The following MTSS1 variants were observed in gnomAD, a reference collection of about 807,000 sequenced individuals.
MTSS1 encodes protein MTSS 1.
In MTSS1, 18 loss-of-function variants were observed where a neutral mutation model predicts 79.0. That is an observed-to-expected ratio of 0.23 (90% CI 0.16 to 0.34). The LOEUF is 0.34. Among genes scored for constraint, MTSS1 ranks in the 10% least tolerant of loss-of-function variants. MTSS1 has a pLI of 1.00. For synonymous variants in MTSS1, 341 were observed against 368.6 expected, an observed-to-expected ratio of 0.93 and a Z score of 0.86; for missense variants, 815 against 986.2, an observed-to-expected ratio of 0.83 and a Z score of 2.33.
chr8:124,606,172 T>G (rs4871514), intron 3 of MTSS1, among the ~76,000 whole-genome samples: 8 of 24,490 alleles, frequency 3.3e-4, no homozygotes, highest in Non-Finnish European at 1.8e-4. Flanking sequence ...TGGTTTTTTG[T>G]TTTTTTTTTT....
rs1377228837 is a variant in MTSS1 at position 124,727,049 on chromosome 8, T to C, written c.72+835A>G. On this transcript the variant is annotated intron_variant, in intron 1 of 13. Coordinates refer to ENST00000518547, the MANE Select transcript of MTSS1 (RefSeq NM_014751.6). The surrounding 1 kb of genome is among the most constrained non-coding windows in gnomAD (Gnocchi z 4.7). ...TCAGGTTATCCCCAGTCCCACCCTTTGCAGGAAAAAACCAGGGTGTTGTTC... is the reference window on the plus strand; with the variant it reads ...TCAGGTTATCCCCAGTCCCACCCTTCGCAGGAAAAAACCAGGGTGTTGTTC... Among the ~76,000 whole-genome samples, 1 of 152,110 alleles carries C rather than the reference T, an allele frequency of 6.6e-6. No individual in the cohort carries two copies. The highest frequency in any genetic ancestry group is 2.4e-5 in the African/African-American group (1 of 41,432).
rs752480171 is a variant in MTSS1 at position 124,556,153 on chromosome 8, C to T, written c.1404+79G>A. On this transcript the variant is annotated intron_variant, in intron 12 of 13. Coordinates refer to ENST00000518547, the MANE Select transcript of MTSS1 (RefSeq NM_014751.6). Reference sequence around the variant, plus strand: ...CCCTCCAGCTGCAAGGCTGCCTTGGCCCCCCAGTTGCTGGCCAGAATGTGA... The same window carrying T: ...CCCTCCAGCTGCAAGGCTGCCTTGGTCCCCCAGTTGCTGGCCAGAATGTGA... The T allele has an allele frequency of 8.1e-6, 13 of 1,599,570 alleles. 1 individual carries two copies. The African/African-American group carries it at 1.2e-4, about 15-fold the overall frequency.
At chr8:124,610,779 C>T (rs942817646) in intron 3 of MTSS1, among the ~76,000 whole-genome samples, 1 of 152,114 alleles carries the variant, frequency 6.6e-6, no homozygotes, top group Non-Finnish European at 1.5e-5. Flanking sequence ...CCTGAAGAAC[C>T]TTCCCCTTTC....
intron 3 of MTSS1, among the ~76,000 whole-genome samples, chr8:124,678,865 C>T (rs866948451): frequency 2.6e-5 from 4 of 152,190 alleles, no homozygotes; most frequent in African/African-American, 4.8e-5. Context: ...CAGACCAATT[C>T]GTTAGCTATT....
At chr8:124,595,058 TA>T (rs1207352360) in intron 3 of MTSS1, among the ~76,000 whole-genome samples, 3 of 152,122 alleles carry the variant, frequency 2.0e-5, no homozygotes, top group Non-Finnish European at 4.4e-5. Flanking sequence ...TGGTGTTGAA[TA>T]AAGGAACGGA....
At chr8:124,659,855 A>G (rs952129025) in intron 3 of MTSS1, among the ~76,000 whole-genome samples, 1 of 152,226 alleles carries the variant, frequency 6.6e-6, no homozygotes, top group Non-Finnish European at 1.5e-5. Context: ...GGCTATCCCA[A>G]CCCAGAATTA....
At chr8:124,627,830 A>C (rs1423021782) in intron 3 of MTSS1, among the ~76,000 whole-genome samples, 3 of 152,198 alleles carry the variant, frequency 2.0e-5, no homozygotes, top group Non-Finnish European at 4.4e-5. Context: ...TTTAGAAAGA[A>C]AACTGTGGCA....
At chr8:124,695,784 T>A (rs1828707237) in intron 3 of MTSS1, among the ~76,000 whole-genome samples, 1 of 152,046 alleles carries the variant, frequency 6.6e-6, no homozygotes, top group Admixed American at 6.5e-5. Flanking sequence ...GAACAATGTT[T>A]CTTAGGGGCT....
At chr8:124,657,587 C>T (rs1028800925) in intron 3 of MTSS1, among the ~76,000 whole-genome samples, 1 of 152,084 alleles carries the variant, frequency 6.6e-6, no homozygotes, top group Non-Finnish European at 1.5e-5. Context: ...TGAAGACTCA[C>T]CAGCAACACT....
chr8:124,610,244 G>A lies in MTSS1; in HGVS notation c.209-19009C>T, dbSNP rs552932751. On this transcript the variant is annotated intron_variant, in intron 3 of 13. Transcript: ENST00000518547. ...TGAAAACAAAACAACGAATCAAGTC[G>A]TTTTATTTTGTGACATGGGGCTGAT... Among the ~76,000 whole-genome samples the A allele has an allele frequency of 8.2e-4, 124 of 152,106 alleles. 2 individuals are homozygous for A. Among genetic ancestry groups the A allele is most frequent in the Non-Finnish European group, 3.2e-4 (22 of 68,024 alleles).
intron 3 of MTSS1, among the ~76,000 whole-genome samples, chr8:124,681,205 TAAA>T (rs765690095): frequency 2.4e-5 from 3 of 126,046 alleles, no homozygotes; most frequent in Non-Finnish European, 1.7e-5. Context: ...CTGTGACATT[TAAA>T]AAAAAAAAAA....
At chr8:124,642,971 G>C (rs1303057586) in intron 3 of MTSS1, among the ~76,000 whole-genome samples, 1 of 152,202 alleles carries the variant, frequency 6.6e-6, no homozygotes. Context: ...ACTTGAGCCA[G>C]CCATTGTGAG....
chr8:124,723,845 TC>T (rs1270349526), intron 1 of MTSS1, among the ~76,000 whole-genome samples: 4 of 152,196 alleles, frequency 2.6e-5, no homozygotes, highest in African/African-American at 9.7e-5. Context: ...GCAGCCCACC[TC>T]CCTCAGAGCA....
chr8:124,686,693 C>A (rs988871363), intron 3 of MTSS1, among the ~76,000 whole-genome samples: 1 of 152,064 alleles, frequency 6.6e-6, no homozygotes, highest in African/African-American at 2.4e-5. Context: ...GTGTAGAGGC[C>A]GAGAACGCTG....
chr8:124,604,256 T>C (rs1279258822), intron 3 of MTSS1, among the ~76,000 whole-genome samples: 1 of 151,622 alleles, frequency 6.6e-6, no homozygotes, highest in East Asian at 1.9e-4. Flanking sequence ...AAAAAAACCG[T>C]TTCAAGAAAG....
chr8:124,574,154 A>G (rs1046683032), intron 6 of MTSS1, among the ~76,000 whole-genome samples: 5 of 152,164 alleles, frequency 3.3e-5, no homozygotes, highest in Non-Finnish European at 5.9e-5. Flanking sequence ...TATGTTGGCC[A>G]GGCTGGTCTC....
At chr8:124,648,699 C>A (rs988122540) in intron 3 of MTSS1, among the ~76,000 whole-genome samples, 9 of 145,902 alleles carry the variant, frequency 6.2e-5, no homozygotes, top group African/African-American at 2.2e-4. Context: ...AGTCTTCATC[C>A]CAAATAGCAG....
At chr8:124,629,198 T>TA (rs1815348700) in intron 3 of MTSS1, among the ~76,000 whole-genome samples, 1 of 152,106 alleles carries the variant, frequency 6.6e-6, no homozygotes, top group South Asian at 2.1e-4. Context: ...TTAAGCCACT[T>TA]AAAGTTACAC....
chr8:124,557,475 T>G (rs1204646671), intron 11 of MTSS1, among the ~76,000 whole-genome samples: 1 of 152,224 alleles, frequency 6.6e-6, no homozygotes, highest in Non-Finnish European at 1.5e-5. Context: ...CAGCCCCAGC[T>G]ACCTGTGGAA....
Sources: allele counts gnomAD v4.1 joint callset (sites outside exome capture counted in the v4.1 genomes callset), GRCh38; gene constraint gnomAD v4.1.1; non-coding constraint Gnocchi (gnomAD v3.1); transcripts MANE v1.5; gene names NCBI Gene and HGNC (gene_info 2026-07-23, HGNC 2026-07-21).